Variants in HMCN1 observed in about 807,000 individuals in gnomAD.
The protein encoded by HMCN1 is hemicentin 1.
In HMCN1, 321 loss-of-function variants were observed where a neutral mutation model predicts 625.9. That is an observed-to-expected ratio of 0.51 (90% CI 0.47 to 0.56). The LOEUF (loss-of-function observed/expected upper bound fraction) is 0.56, where lower values mean the gene tolerates loss of function less well. Among genes scored for constraint, HMCN1 ranks in the 20% least tolerant of loss-of-function variants. HMCN1 has a pLI of 0.00. For synonymous variants in HMCN1, 2,425 were observed against 2,417.6 expected (o/e 1.00, Z -0.09); for missense variants, 6,588 against 6,887.3 (o/e 0.96, Z 1.54).
intron 1 of HMCN1, among the ~76,000 whole-genome samples, chr1:185,758,822 C>G (rs1451647725): frequency 1.3e-5 from 2 of 151,752 alleles, no homozygotes; most frequent in Non-Finnish European, 2.9e-5. Context: ...CATTTTCATG[C>G]AGTTTTTTTT....
At position 185,908,159 on chromosome 1, in the gene HMCN1, A is replaced by T. The variant is rs190530789; in HGVS notation, c.622-1178A>T. The stretch of plus-strand genomic sequence containing the variant: ...AACAAAAACATTTATTTTATGATAA[A>T]TGTGATTGTTTCATATTGTTATGTG... On this transcript the variant is annotated intron_variant, in intron 4 of 106. Transcript: ENST00000271588. Among the ~76,000 whole-genome samples the T allele has an allele frequency of 2.2e-3, 338 of 152,048 alleles. 3 individuals are homozygous for T. The highest frequency in any genetic ancestry group is 7.9e-3 in the African/African-American group (327 of 41,546).
intron 102 of HMCN1, among the ~76,000 whole-genome samples, chr1:186,172,621 A>C (rs1267801154): frequency 1.3e-5 from 2 of 152,210 alleles, no homozygotes; most frequent in African/African-American, 4.8e-5. Flanking sequence ...GACCAGACAC[A>C]AAGGTACATT....
chr1:185,736,391 A>G (rs949632228), intron 1 of HMCN1, among the ~76,000 whole-genome samples: 4 of 151,566 alleles, frequency 2.6e-5, no homozygotes, highest in Admixed American at 6.6e-5. Context: ...ACTGTCTTAG[A>G]CACTTCATAT....
chr1:185,822,663 G>A (rs1329107032), intron 1 of HMCN1, among the ~76,000 whole-genome samples: 1 of 152,088 alleles, frequency 6.6e-6, no homozygotes, highest in East Asian at 1.9e-4. Flanking sequence ...TTATTATTTT[G>A]TTGAATATCA....
intron 69 of HMCN1, 96 bp downstream of exon 69, chr1:186,103,764 A>C (rs1660491041): frequency 6.0e-6 from 6 of 1,008,246 alleles, no homozygotes; most frequent in Admixed American, 2.1e-5. Flanking sequence ...GAATCCTTAT[A>C]TATCACAGAT....
chr1:186,087,722 C>T, intron 60 of HMCN1, 77 bp downstream of exon 60: 1 of 1,354,176 alleles, frequency 7.4e-7, no homozygotes, highest in Non-Finnish European at 1.1e-6. Context: ...GTTGCATATT[C>T]CCTTTTACTA....
chr1:186,151,852 AATCTT>A (rs1314570916), intron 95 of HMCN1, 109 bp downstream of exon 95: 2 of 1,158,632 alleles, frequency 1.7e-6, no homozygotes, highest in African/African-American at 1.5e-5. Context: ...CTTTTTACGC[AATCTT>A]ATAAGTGATA....
chr1:185,879,582 G>A lies in HMCN1; in HGVS notation c.621+13719G>A, dbSNP rs1240002751. On this transcript the variant is annotated intron_variant, in intron 4 of 106. Coordinates refer to ENST00000271588, the MANE Select transcript of HMCN1 (RefSeq NM_031935.3). ...TTATTCATTCCATAACATTGTTGAGGCCTACTTACTATGTGTTAGACTTTA... is the reference window on the plus strand; with the variant it reads ...TTATTCATTCCATAACATTGTTGAGACCTACTTACTATGTGTTAGACTTTA... 3.3e-5 allele frequency among the ~76,000 whole-genome samples: 5 copies of A among 151,980 alleles called. No individual in the cohort carries two copies. The East Asian group carries it at 9.6e-4, about 29-fold the overall frequency.
At chr1:186,160,945 T>G (rs1465530650) in intron 97 of HMCN1, among the ~76,000 whole-genome samples, 1 of 152,026 alleles carries the variant, frequency 6.6e-6, no homozygotes, top group Non-Finnish European at 1.5e-5. Context: ...GTCCACTTGG[T>G]GCAGAGCTGA....
intron 46 of HMCN1, among the ~76,000 whole-genome samples, chr1:186,058,934 A>AAT: frequency 6.6e-6 from 1 of 152,014 alleles, no homozygotes; most frequent in Non-Finnish European, 1.5e-5. Context: ...TATTGTCTAT[A>AAT]ATACTCACTA....
At chr1:185,833,768 T>G (rs1036123327) in intron 1 of HMCN1, among the ~76,000 whole-genome samples, 1 of 152,160 alleles carries the variant, frequency 6.6e-6, no homozygotes, top group Non-Finnish European at 1.5e-5. Context: ...TTTATATTAC[T>G]TAGTATTTTC....
At chr1:186,185,136 A>T (rs911814388) in intron 105 of HMCN1, among the ~76,000 whole-genome samples, 1 of 152,164 alleles carries the variant, frequency 6.6e-6, no homozygotes, top group Non-Finnish European at 1.5e-5. Flanking sequence ...ATATTTACCC[A>T]ATGAAAATAT....
At chr1:186,128,361 T>C (rs1661751530) in intron 83 of HMCN1, 70 bp downstream of exon 83, 3 of 1,259,750 alleles carry the variant, frequency 2.4e-6, no homozygotes, top group Middle Eastern at 2.3e-4. Flanking sequence ...CTCTGTTTCC[T>C]CCAGCTGTGA....
At chr1:186,119,394 A>G (rs1323032478) in intron 78 of HMCN1, 96 bp downstream of exon 78, 10 of 923,232 alleles carry the variant, frequency 1.1e-5, no homozygotes, top group Non-Finnish European at 1.8e-5. Context: ...GTCGAGAGCT[A>G]TGAACCATAG....
At chr1:186,085,534 C>T (rs1458590533) in intron 57 of HMCN1, among the ~76,000 whole-genome samples, 2 of 152,144 alleles carry the variant, frequency 1.3e-5, no homozygotes, top group African/African-American at 4.8e-5. Context: ...AATACAGCCA[C>T]ACTGGGACTT....
chr1:186,065,215 C>G, intron 48 of HMCN1, 23 bp from the exon 49 acceptor site: 1 of 1,595,358 alleles, frequency 6.3e-7, no homozygotes, highest in Non-Finnish European at 8.6e-7. Flanking sequence ...TATTAGCTGA[C>G]TCTCAGAAAT....
intron 11 of HMCN1, among the ~76,000 whole-genome samples, chr1:185,946,201 ATAAAT>A (rs1184838712): frequency 2.6e-5 from 4 of 152,222 alleles, no homozygotes; most frequent in African/African-American, 9.6e-5. Flanking sequence ...AAGGTAGCAG[ATAAAT>A]TTATCTATCA....
intron 1 of HMCN1, among the ~76,000 whole-genome samples, chr1:185,756,261 A>G (rs915999428): frequency 6.6e-6 from 1 of 152,114 alleles, no homozygotes; most frequent in African/African-American, 2.4e-5. Context: ...CCTTTTATGC[A>G]TGTGTTTTCC....
intron 4 of HMCN1, among the ~76,000 whole-genome samples, chr1:185,878,106 C>A (rs955282101): frequency 1.3e-5 from 2 of 152,138 alleles, no homozygotes; most frequent in African/African-American, 4.8e-5. Flanking sequence ...ATTTCATATT[C>A]TGAAATCTTG....
Sources: allele counts gnomAD v4.1 joint callset (sites outside exome capture counted in the v4.1 genomes callset), GRCh38; gene constraint gnomAD v4.1.1; transcripts MANE v1.5; gene names NCBI Gene and HGNC (gene_info 2026-07-23, HGNC 2026-07-21).